Variants in ANK1 observed in about 807,000 individuals in gnomAD.
ANK1 encodes ankyrin-1.
Under a neutral mutation model 210.4 loss-of-function variants are expected in ANK1, and 51 were observed. The ratio of observed to expected loss-of-function variants is 0.24; its 90% CI spans 0.19 to 0.31. ANK1 has a LOEUF of 0.31. ANK1 is among the 10% of genes least tolerant of loss of function. The pLI is 1.00. For synonymous variants in ANK1, 967 were observed against 1,025.9 expected (o/e 0.94, Z 1.10); for missense variants, 2,051 against 2,504.4 (o/e 0.82, Z 3.86).
upstream of ANK1, among the ~76,000 whole-genome samples, chr8:41,799,884 T>C (rs1038245736): frequency 1.4e-4 from 21 of 152,162 alleles, no homozygotes; most frequent in Admixed American, 1.3e-3. Context: ...GGACTCACGA[T>C]GTGCTTGAGA....
At position 41,668,388 on chromosome 8, in the gene ANK1, C is replaced by T; in HGVS notation, c.5273G>A (p.Ser1758Asn). 1 of 1,614,260 alleles carries T rather than the reference C, an allele frequency of 6.2e-7. No homozygotes were observed. The highest frequency in any genetic ancestry group is 8.5e-7 in the Non-Finnish European group (1 of 1,180,052). ...GGGCTGTTCTGTCCACGTGTGCTCA[C>T]TTACAGACACCAGGACCTTCTCGTA... ...QEYEKVLVSVSEHTWTEQPEA... is the reference protein window; with the variant it reads ...QEYEKVLVSVNEHTWTEQPEA... Residue 1758 changes from serine (S) to asparagine (N), a missense_variant, in exon 39 of 43, where the codon AGT becomes AAT. By Grantham distance (46) the Ser-to-Asn change is conservative. This residue lies in a region of ANK1 where 496 missense variants were observed against 533.4 expected (regional missense o/e 0.93). Transcript: ENST00000289734.
intron 16 of ANK1, among the ~76,000 whole-genome samples, chr8:41,711,417 T>C (rs1826085683): frequency 6.6e-6 from 1 of 152,208 alleles, no homozygotes; most frequent in South Asian, 2.1e-4. Context: ...TAGGCGCAAC[T>C]GACCGGCATT....
intron 7 of ANK1, 123 bp downstream of exon 7, chr8:41,724,331 CAG>C (rs1263485671): frequency 6.0e-6 from 5 of 827,750 alleles, no homozygotes. Flanking sequence ...GGAGCCCGAC[CAG>C]ACAGCAGGGC....
chr8:41,719,744 G>A lies in ANK1; in HGVS notation c.1024C>T (p.Leu342Phe). The A allele has an allele frequency of 6.2e-7, 1 of 1,614,246 alleles. No homozygotes were observed. The highest frequency in any genetic ancestry group is 8.5e-7 in the Non-Finnish European group (1 of 1,180,034). The part of the protein sequence containing the change: ...DDITLDHLTP[L>F]HVAAHCGHHR... The stretch of plus-strand genomic sequence containing the variant: ...TGTCCACAGTGGGCAGCCACGTGGA[G>A]TGGGGTCAGGTGGTCCAGGGTGATG... The change falls in exon 10 of 43, where the codon CTC becomes TTC. Residue 342 changes from leucine (L) to phenylalanine (F), a missense_variant. Coordinates refer to ENST00000289734, the MANE Select transcript of ANK1 (RefSeq NM_000037.4).
At chr8:41,862,660 C>CAAA (rs60114930) in intron 1 of ANK1, among the ~76,000 whole-genome samples, 32 of 99,630 alleles carry the variant, frequency 3.2e-4, no homozygotes, top group African/African-American at 7.1e-4. Context: ...GAGGCTCAGA[C>CAAA]AAAAAAAAAA....
intron 1 of ANK1, among the ~76,000 whole-genome samples, chr8:41,844,781 G>T (rs1413675999): frequency 6.6e-6 from 1 of 152,172 alleles, no homozygotes; most frequent in Non-Finnish European, 1.5e-5. Context: ...TAATGAAATG[G>T]TCCTTTCAGC....
At chr8:41,671,997 A>G (rs1000275745) in intron 38 of ANK1, among the ~76,000 whole-genome samples, 4 of 142,762 alleles carry the variant, frequency 2.8e-5, no homozygotes, top group African/African-American at 1.1e-4. Context: ...AGGCACCCTA[A>G]TGTCCCTAAG....
At chr8:41,757,221 C>G (rs1036062058) in intron 2 of ANK1, among the ~76,000 whole-genome samples, 3 of 152,342 alleles carry the variant, frequency 2.0e-5, no homozygotes, top group Non-Finnish European at 4.4e-5. Flanking sequence ...ATTAAACACA[C>G]ATTTTTAATG....
intron 2 of ANK1, among the ~76,000 whole-genome samples, chr8:41,740,798 T>C (rs916734008): frequency 6.6e-6 from 1 of 152,206 alleles, no homozygotes; most frequent in Non-Finnish European, 1.5e-5. Flanking sequence ...TGCTCAACCA[T>C]GTCCCCTGGG....
chr8:41,678,138 T>C (rs1412148392), intron 37 of ANK1, among the ~76,000 whole-genome samples: 1 of 152,130 alleles, frequency 6.6e-6, no homozygotes, highest in Non-Finnish European at 1.5e-5. Flanking sequence ...CATATTTCTT[T>C]TTTTTTCTTT....
chr8:41,892,504 C>T (rs554719417), intron 1 of ANK1, among the ~76,000 whole-genome samples: 1 of 152,322 alleles, frequency 6.6e-6, no homozygotes, highest in Non-Finnish European at 1.5e-5. Context: ...CCTGTGCAAA[C>T]ACTGTTGTTG....
At chr8:41,890,749 G>GAAAA (rs958817232) in intron 1 of ANK1, among the ~76,000 whole-genome samples, 44 of 149,124 alleles carry the variant, frequency 3.0e-4, no homozygotes, top group African/African-American at 1.1e-3. Context: ...AAGAAAAGAA[G>GAAAA]AAAAAAACAG....
intron 1 of ANK1, among the ~76,000 whole-genome samples, chr8:41,831,014 C>G (rs1806499919): frequency 6.6e-6 from 1 of 152,142 alleles, no homozygotes; most frequent in South Asian, 2.1e-4. Flanking sequence ...CCCAATGTGT[C>G]CCATAAACGG....
chr8:41,874,349 A>G (rs1816153889), intron 1 of ANK1, among the ~76,000 whole-genome samples: 1 of 152,196 alleles, frequency 6.6e-6, no homozygotes, highest in South Asian at 2.1e-4. Flanking sequence ...TCTCATATCC[A>G]TCATAATTGA....
chr8:41,730,595 G>T (rs183076377), intron 3 of ANK1, among the ~76,000 whole-genome samples: 62 of 152,114 alleles, frequency 4.1e-4, no homozygotes, highest in African/African-American at 1.4e-3. Flanking sequence ...TTTTCCTCAG[G>T]TATCCATTGG....
At chr8:41,804,620 G>T (rs994441492) in intron 1 of ANK1, among the ~76,000 whole-genome samples, 6 of 152,166 alleles carry the variant, frequency 3.9e-5, no homozygotes, top group African/African-American at 1.4e-4. Context: ...TTCAATGAGA[G>T]GGTAACTATG....
At chr8:41,838,434 C>A (rs1330440573) in intron 1 of ANK1, among the ~76,000 whole-genome samples, 1 of 152,154 alleles carries the variant, frequency 6.6e-6, no homozygotes, top group Admixed American at 6.5e-5. Context: ...TACCGTGTGC[C>A]CCAGACTGCT....
chr8:41,799,459 C>T (rs889172625), upstream of ANK1, among the ~76,000 whole-genome samples: 3 of 152,172 alleles, frequency 2.0e-5, no homozygotes, highest in Non-Finnish European at 2.9e-5. Flanking sequence ...AAGCTAGAAG[C>T]CGTTTCACCA....
intron 1 of ANK1, among the ~76,000 whole-genome samples, chr8:41,795,953 T>G (rs79432940): frequency 0.02 from 3,051 of 152,330 alleles, 37 homozygotes; most frequent in African/African-American, 0.028. Context: ...CATTCAAGTC[T>G]ATGGACACCC....
Sources: gnomAD v4.1 joint callset for allele counts (sites outside exome capture counted in the v4.1 genomes callset) on GRCh38, gnomAD v4.1.1 for gene constraint, gnomAD v4.1.1 regional missense constraint, MANE v1.5 for transcripts, NCBI Gene and HGNC (gene_info 2026-07-23, HGNC 2026-07-21) for gene names.